Variants in SLC27A3 observed in about 807,000 individuals in gnomAD.
SLC27A3 encodes solute carrier family 27 member 3, also known as long-chain fatty acid transport protein 3.
A neutral mutation model predicts 60.1 loss-of-function variants in SLC27A3; 60 were observed. The ratio of observed to expected loss-of-function variants is 1.00; its 90% CI spans 0.81 to 1.24. The LOEUF (loss-of-function observed/expected upper bound fraction) is 1.24. Among genes scored for constraint, SLC27A3 ranks in the 50% most tolerant of loss-of-function variants. The probability of loss-of-function intolerance (pLI) is 0.00; values close to 1 mark genes in which losing one functional copy is unlikely to be tolerated. For synonymous variants in SLC27A3, 455 were observed against 409.0 expected (o/e 1.11, Z -1.36); for missense variants, 1,079 against 929.9 (o/e 1.16, Z -2.09).
rs376958049 is a variant in SLC27A3, at chr1:153,776,495, G to C, written c.668-23G>C. 7.5e-6 allele frequency: 12 copies of C among 1,604,248 alleles called. No individual in the cohort carries two copies. In the African/African-American group the frequency reaches 1.6e-4, roughly 21 times the overall value. On this transcript the variant is annotated intron_variant, in intron 1 of 9. Coordinates refer to ENST00000624995, the MANE Select transcript of SLC27A3 (RefSeq NM_024330.4). ...TTCTAGGTAGAGCCAGGGCCCCGGCGTTGTGCTTTCCCACCCTTCTAGAGT... is the reference window on the plus strand; with the variant it reads ...TTCTAGGTAGAGCCAGGGCCCCGGCCTTGTGCTTTCCCACCCTTCTAGAGT...
chr1:153,778,912 C>A lies in SLC27A3; in HGVS notation c.1646+27C>A, dbSNP rs779094324. 4.4e-6 allele frequency: 7 copies of A among 1,603,306 alleles called. No homozygotes were observed. The African/African-American group carries it at 8.0e-5, about 18-fold the overall frequency. On this transcript the variant is annotated intron_variant, in intron 7 of 9. Transcript: ENST00000624995. ...TATCTGTCCATAACTGGTTTTTCAT[C>A]CTGGACATCTGATCTCTGTGATCCA...
rs1361004914 is a variant in SLC27A3 at position 153,779,898 on chromosome 1, A to G, written c.1948A>G (p.Thr650Ala). 1.9e-6 allele frequency: 3 copies of G among 1,613,604 alleles called. No individual in the cohort carries two copies. In the East Asian group the frequency reaches 6.7e-5, roughly 36 times the overall value. Residue 650 changes from threonine (T) to alanine (A), a missense_variant, in exon 10 of 10, where the codon ACC becomes GCC. Coordinates refer to ENST00000624995, the MANE Select transcript of SLC27A3 (RefSeq NM_024330.4). ...GGCAAATGAGGGCTTCGACCCCAGC[A>G]CCCTGTCTGACCCACTGTACGTTCT... ...RMANEGFDPS[T>A]LSDPLYVLDQ...
intron 3 of SLC27A3, chr1:153,777,508 G>A: frequency 6.5e-6 from 4 of 614,608 alleles, no homozygotes; most frequent in Non-Finnish European, 8.6e-6. Flanking sequence ...GAGAGACAAG[G>A]AAGTGAGAGT....
chr1:153,779,524 A>G (rs375402184), intron 9 of SLC27A3, 51 bp downstream of exon 9: 10 of 1,576,256 alleles, frequency 6.3e-6, no homozygotes, highest in Middle Eastern at 1.7e-4. Context: ...TCCTCACCCC[A>G]CATATCCACC....
Position 153,777,184 on chromosome 1 carries a change from G to C in SLC27A3, c.1000G>C (p.Gly334Arg), listed in dbSNP as rs200519940. The C allele has an allele frequency of 6.2e-7, 1 of 1,614,224 alleles. No individual in the cohort carries two copies. The highest frequency in any genetic ancestry group is 8.5e-7 in the Non-Finnish European group (1 of 1,180,044). ...CGCCCTCCCACTCTACCACATGTCC[G>C]GTTCCCTGCTGGGCATCGTGGGCTG... ...YLALPLYHMS[G>R]SLLGIVGCMG... Residue 334 changes from glycine to arginine, a missense_variant, in exon 3 of 10, where the codon GGT becomes CGT. Transcript: ENST00000624995.
chr1:153,777,769 G>GT lies in SLC27A3; in HGVS notation c.1046dup (p.Val350GlyfsTer46), dbSNP rs745343614. The GT allele has an allele frequency of 1.8e-5, 29 of 1,614,084 alleles. No homozygotes were observed. The Middle Eastern group carries it at 6.6e-4, about 37-fold the overall frequency. On this transcript the variant is annotated frameshift_variant, in exon 4 of 10. Transcript: ENST00000624995. LOFTEE classifies it high-confidence loss of function. ...CTGCCCACTTCTGGCAGGGGCCACA[G>GT]TGGTGCTGAAATCCAAGTTCTCGGC...
chr1:153,777,650 C>A, intron 3 of SLC27A3, 111 bp from the exon 4 acceptor site: 1 of 1,373,204 alleles, frequency 7.3e-7, no homozygotes. Flanking sequence ...CACAGTGGGC[C>A]CTTCCCAGGG....
At chr1:153,777,355 C>A (rs1015230434) in intron 3 of SLC27A3, 135 bp downstream of exon 3, 14 of 1,073,998 alleles carry the variant, frequency 1.3e-5, no homozygotes, top group Non-Finnish European at 1.9e-5. Context: ...GAGCTCTGTA[C>A]AATAGGGCAA....
At position 153,775,568 on chromosome 1, in the gene SLC27A3, C is replaced by G; in HGVS notation, c.71C>G (p.Pro24Arg). 1.2e-6 allele frequency: 2 copies of G among 1,610,246 alleles called. No homozygotes were observed. The highest frequency in any genetic ancestry group is 1.7e-6 in the Non-Finnish European group (2 of 1,179,516). The change falls in exon 1 of 10, where the codon CCG becomes CGG. Residue 24 changes from proline to arginine, a missense_variant. Coordinates refer to ENST00000624995, the MANE Select transcript of SLC27A3 (RefSeq NM_024330.4). Reference protein sequence around the residue: ...PLLLLKLHLWPQLRWLPADLA... With the variant: ...PLLLLKLHLWRQLRWLPADLA... ...CTGCTGCTGAAGCTACACCTCTGGC[C>G]GCAGTTGCGCTGGCTTCCGGCGGAC...
intron 3 of SLC27A3, 100 bp from the exon 4 acceptor site, chr1:153,777,660 GA>G: frequency 6.9e-7 from 1 of 1,450,594 alleles, no homozygotes; most frequent in South Asian, 1.2e-5. Context: ...CCTTCCCAGG[GA>G]AAGACTACAG....
Position 153,776,143 on chromosome 1 carries a change from C to A in SLC27A3, c.646C>A (p.Arg216Ser). The change falls in exon 1 of 10, where the codon CGC (arginine) becomes AGC (serine). Residue 216 changes from arginine to serine, a missense_variant. Transcript: ENST00000624995. ...LLHCLRSCGA[R>S]ALVLAPEFLE... ...GCACTGCCTCCGCAGCTGCGGCGCGCGCGCGCTGGTGCTGGCGCCAGGTAA... is the reference window on the plus strand; with the variant it reads ...GCACTGCCTCCGCAGCTGCGGCGCGAGCGCGCTGGTGCTGGCGCCAGGTAA... 1.4e-6 allele frequency: 2 copies of A among 1,428,330 alleles called. No individual in the cohort carries two copies. Among genetic ancestry groups the A allele is most frequent in the Admixed American group, 3.3e-5 (1 of 30,394 alleles). 88.5% of individuals were successfully genotyped at this position (1,428,330 alleles called of 1,614,324 possible). A position where few individuals can be genotyped will look rare whatever the true frequency, so the allele number is the denominator to read the frequency against.
Position 153,780,013 on chromosome 1 carries a change from A to C in SLC27A3, c.*11A>C. 4 of 1,600,594 alleles carry C rather than the reference A, an allele frequency of 2.5e-6. No homozygotes were observed. The highest frequency in any genetic ancestry group is 3.4e-6 in the Non-Finnish European group (4 of 1,172,890). ...AACCTTCGAATCTGAGAACTTCCACACCTGAGGCACCTGAGAGAGGAACTC... is the reference window on the plus strand; with the variant it reads ...AACCTTCGAATCTGAGAACTTCCACCCCTGAGGCACCTGAGAGAGGAACTC... On this transcript the variant is annotated 3_prime_UTR_variant, in exon 10 of 10. Coordinates refer to ENST00000624995, the MANE Select transcript of SLC27A3 (RefSeq NM_024330.4).
chr1:153,777,847 A>T lies in SLC27A3; in HGVS notation c.1123A>T (p.Ile375Phe), dbSNP rs374690026. The T allele has an allele frequency of 6.2e-7, 1 of 1,614,084 alleles. No homozygotes were observed. Among genetic ancestry groups the T allele is most frequent in the East Asian group, 2.2e-5 (1 of 44,894 alleles). Residue 375 changes from isoleucine to phenylalanine, a missense_variant, in exon 4 of 10, where the codon ATT becomes TTT. Coordinates refer to ENST00000624995, the MANE Select transcript of SLC27A3 (RefSeq NM_024330.4). ...GCACAGGGTGACGGTGTTCCAGTAC[A>T]TTGGGGAGCTGTGCCGATACCTTGT... ...QQHRVTVFQY[I>F]GELCRYLVNQ... is the part of the protein sequence containing the mutation.
rs1172342651 is a variant in SLC27A3, at chr1:153,778,163, C to T, written c.1164C>T (p.Ser388=). The T allele has an allele frequency of 6.2e-7, 1 of 1,606,004 alleles. No homozygotes were observed. Among genetic ancestry groups the T allele is most frequent in the East Asian group, 2.2e-5 (1 of 44,872 alleles). Residue 388 remains serine (S), a splice_region_variant and synonymous_variant, in exon 5 of 10, where the codon AGC becomes AGT. Coordinates refer to ENST00000624995, the MANE Select transcript of SLC27A3 (RefSeq NM_024330.4). ...GGCCCCTCTCCCACTCATCTCAGAG[C>T]AAGGCAGAACGTGGCCATAAGGTCC... ...LCRYLVNQPP[S]KAERGHKVRL...
At position 153,776,287 on chromosome 1, in the gene SLC27A3, C is replaced by G; in HGVS notation, c.667+123C>G. ...AAGAAGCCGACTATCCCTTGGGGTT[C>G]GAAAGTGGGTGGAGATAGGAGTCTC... is the stretch of plus-strand genomic sequence containing the variant. On this transcript the variant is annotated intron_variant, in intron 1 of 9. Coordinates refer to ENST00000624995, the MANE Select transcript of SLC27A3 (RefSeq NM_024330.4). The G allele has an allele frequency of 8.5e-6, 12 of 1,419,272 alleles. No homozygotes were observed. In the South Asian group the frequency reaches 1.4e-4, roughly 17 times the overall value. 87.9% of individuals were successfully genotyped at this position (1,419,272 alleles called of 1,614,324 possible).
intron 1 of SLC27A3, 71 bp downstream of exon 1, chr1:153,776,235 A>G (rs1489024775): frequency 7.8e-6 from 11 of 1,401,448 alleles, no homozygotes; most frequent in Non-Finnish European, 1.0e-5. Context: ...GACCACAGAA[A>G]GGCTTGGTCT....
At position 153,777,188 on chromosome 1, in the gene SLC27A3, C is replaced by T. The variant is rs1673276504; in HGVS notation, c.1004C>T (p.Ser335Phe). The change falls in exon 3 of 10, where the codon TCC becomes TTC. Residue 335 changes from serine to phenylalanine, a missense_variant. Ser to Phe is a radical substitution (Grantham distance 155). Coordinates refer to ENST00000624995, the MANE Select transcript of SLC27A3 (RefSeq NM_024330.4). ...CTCCCACTCTACCACATGTCCGGTT[C>T]CCTGCTGGGCATCGTGGGCTGCATG... is the stretch of plus-strand genomic sequence containing the variant. ...LALPLYHMSG[S>F]LLGIVGCMGI... The T allele has an allele frequency of 6.2e-7, 1 of 1,614,264 alleles. No individual in the cohort carries two copies. The highest frequency in any genetic ancestry group is 2.2e-5 in the East Asian group (1 of 44,890).
intron 3 of SLC27A3, 57 bp from the exon 4 acceptor site, chr1:153,777,704 C>G: frequency 6.2e-7 from 1 of 1,600,364 alleles, no homozygotes. Context: ...GGGGCTTGGG[C>G]TCCCCACTCT....
intron 3 of SLC27A3, 148 bp downstream of exon 3, chr1:153,777,368 T>C (rs993726299): frequency 2.1e-6 from 2 of 962,640 alleles, no homozygotes; most frequent in Non-Finnish European, 3.1e-6. Flanking sequence ...TAGGGCAATG[T>C]CACCTGCCTA....
Sources: gnomAD v4.1 joint callset for allele counts on GRCh38, gnomAD v4.1.1 for gene constraint, MANE v1.5 for transcripts, NCBI Gene and HGNC (gene_info 2026-07-23, HGNC 2026-07-21) for gene names.